CAMK1D: variants seen among roughly 807,000 people sequenced by gnomAD.
CAMK1D encodes the protein calcium/calmodulin-dependent protein kinase type 1D.
In CAMK1D, 9 loss-of-function variants were observed where a neutral mutation model predicts 47.7. The observed-to-expected ratio is 0.19, with a 90% CI of 0.11 to 0.33. The LOEUF is 0.33. CAMK1D is among the 10% of genes least tolerant of loss of function. The probability of loss-of-function intolerance (pLI) is 1.00; values close to 1 mark genes in which losing one functional copy is unlikely to be tolerated. For missense variants in CAMK1D, 291 were observed against 488.7 expected (o/e 0.60, Z 3.81); for synonymous variants, 184 against 184.9 (o/e 0.99, Z 0.04).
intron 5 of CAMK1D, among the ~76,000 whole-genome samples, chr10:12,786,716 G>A (rs1837740425): frequency 6.6e-6 from 1 of 152,174 alleles, no homozygotes; most frequent in Non-Finnish European, 1.5e-5. Context: ...GCCACTACAT[G>A]TAGCCCAGGA....
At chr10:12,768,550 A>G (rs564126395) in intron 4 of CAMK1D, among the ~76,000 whole-genome samples, 1 of 152,140 alleles carries the variant, frequency 6.6e-6, no homozygotes, top group Non-Finnish European at 1.5e-5. Flanking sequence ...GGTGTAAATG[A>G]CAGAAACGAT....
intron 1 of CAMK1D, among the ~76,000 whole-genome samples, chr10:12,464,617 C>T (rs995158262): frequency 1.3e-5 from 2 of 152,092 alleles, no homozygotes; most frequent in African/African-American, 4.8e-5. Context: ...AGATTGAGAC[C>T]ATCCTGACTA....
In CAMK1D at chr10:12,830,926, A is replaced by AGCACAC. The variant is rs1240346122; in HGVS notation, c.*2039_*2040insGCACAC. The AGCACAC allele has an allele frequency of 9.6e-6, 1 of 103,728 alleles. No homozygotes were observed. Among genetic ancestry groups the AGCACAC allele is most frequent in the African/African-American group, 3.8e-5 (1 of 26,452 alleles). 6.4% of individuals were successfully genotyped at this position (103,728 alleles called of 1,614,324 possible). On this transcript the variant is annotated 3_prime_UTR_variant, in exon 11 of 11. Transcript: ENST00000619168. ...GTGATGCCCCCCCACCCTCTCAATA[A>AGCACAC]ACACACACACACACACACACACACA...
chr10:12,623,796 G>C (rs114486052), intron 2 of CAMK1D, among the ~76,000 whole-genome samples: 2,368 of 152,056 alleles, frequency 0.016, 54 homozygotes, highest in African/African-American at 0.054. Context: ...TTGCAATTAA[G>C]GGCCGGGTGT....
Position 12,828,765 on chromosome 10 carries a change from G to C in CAMK1D, c.1040-4G>C. On this transcript the variant is annotated splice_region_variant and splice_polypyrimidine_tract_variant and intron_variant, in intron 10 of 10. Coordinates refer to ENST00000619168, the MANE Select transcript of CAMK1D (RefSeq NM_153498.4). ...CTGAAGCCCACTTCTGCTGTTCCCT[G>C]CAGGTCTGGCACCTTCCACGCTCTG... is the stretch of plus-strand genomic sequence containing the variant. 6.2e-7 allele frequency: 1 copy of C among 1,609,704 alleles called. No individual in the cohort carries two copies. The highest frequency in any genetic ancestry group is 1.7e-5 in the Admixed American group (1 of 59,916).
At chr10:12,611,388 T>C (rs1838615001) in intron 2 of CAMK1D, among the ~76,000 whole-genome samples, 1 of 152,076 alleles carries the variant, frequency 6.6e-6, no homozygotes, top group Non-Finnish European at 1.5e-5. Context: ...GCAGCTCCTC[T>C]ACCCTCGCCT....
chr10:12,792,270 A>G (rs1361848063), intron 6 of CAMK1D, among the ~76,000 whole-genome samples: 1 of 146,566 alleles, frequency 6.8e-6, no homozygotes, highest in Non-Finnish European at 1.5e-5. Flanking sequence ...TGTTGCAGTT[A>G]TTTCAGGATC....
rs531093107 is a variant in CAMK1D, at chr10:12,772,613, G to A, written c.565+2814G>A. Among the ~76,000 whole-genome samples, 8 of 152,344 alleles carry A rather than the reference G, an allele frequency of 5.3e-5. No individual in the cohort carries two copies. In the East Asian group the frequency reaches 1.4e-3, roughly 26 times the overall value. ...AGTGGCTGCCATCTGCGGGGTCTGA[G>A]TCTGTTGATTGCTGTGTCTGGCACT... On this transcript the variant is annotated intron_variant, in intron 5 of 10. Coordinates refer to ENST00000619168, the MANE Select transcript of CAMK1D (RefSeq NM_153498.4).
chr10:12,388,302 C>A (rs1838596277), intron 1 of CAMK1D, among the ~76,000 whole-genome samples: 1 of 152,202 alleles, frequency 6.6e-6, no homozygotes, highest in Non-Finnish European at 1.5e-5. Flanking sequence ...GCTGAGATTA[C>A]ACGTGTGAGC....
intron 1 of CAMK1D, among the ~76,000 whole-genome samples, chr10:12,422,407 G>C (rs1250662709): frequency 6.6e-6 from 1 of 152,202 alleles, no homozygotes; most frequent in African/African-American, 2.4e-5. Context: ...GATCAGAAAT[G>C]AACTCACTAG....
intron 6 of CAMK1D, among the ~76,000 whole-genome samples, chr10:12,793,404 A>G (rs1442979704): frequency 1.3e-5 from 2 of 152,204 alleles, no homozygotes; most frequent in African/African-American, 2.4e-5. Context: ...AGCTCTGGTT[A>G]GGTACTTGTT....
intron 3 of CAMK1D, among the ~76,000 whole-genome samples, chr10:12,670,085 T>C (rs1840563301): frequency 6.6e-6 from 1 of 150,934 alleles, no homozygotes; most frequent in African/African-American, 2.4e-5. Flanking sequence ...AACTTTTTAA[T>C]AAACCGTCTG....
chr10:12,465,106 T>C (rs1833552632), intron 1 of CAMK1D, among the ~76,000 whole-genome samples: 1 of 152,196 alleles, frequency 6.6e-6, no homozygotes, highest in African/African-American at 2.4e-5. Flanking sequence ...ATTTCAGTTA[T>C]GTGCAGAGGT....
At chr10:12,476,864 G>T (rs759427591) in intron 1 of CAMK1D, among the ~76,000 whole-genome samples, 1 of 152,154 alleles carries the variant, frequency 6.6e-6, no homozygotes, top group African/African-American at 2.4e-5. Context: ...CCAGCTCTCC[G>T]TTCTGTCTGC....
intron 3 of CAMK1D, among the ~76,000 whole-genome samples, chr10:12,723,352 A>C (rs1384662691): frequency 1.3e-5 from 2 of 152,200 alleles, no homozygotes; most frequent in African/African-American, 4.8e-5. Context: ...AAGGTTAGAA[A>C]GCTTCCCTGA....
At chr10:12,414,485 T>C (rs916701070) in intron 1 of CAMK1D, among the ~76,000 whole-genome samples, 1 of 152,244 alleles carries the variant, frequency 6.6e-6, no homozygotes, top group Non-Finnish European at 1.5e-5. Context: ...TGCCATGTTA[T>C]CTGTCGTGTC....
chr10:12,742,164 C>A (rs183593373), intron 3 of CAMK1D, among the ~76,000 whole-genome samples: 8 of 152,340 alleles, frequency 5.3e-5, no homozygotes, highest in Non-Finnish European at 1.0e-4. Context: ...TAGACAGGGT[C>A]TCGCTCTGTT....
chr10:12,374,812 G>A (rs1236638136), intron 1 of CAMK1D, among the ~76,000 whole-genome samples: 2 of 151,830 alleles, frequency 1.3e-5, no homozygotes, highest in African/African-American at 4.8e-5. Flanking sequence ...GTGTGGTGGT[G>A]GGCGCTTGTA....
intron 6 of CAMK1D, among the ~76,000 whole-genome samples, chr10:12,809,842 G>A (rs767253031): frequency 6.6e-6 from 1 of 152,124 alleles, no homozygotes; most frequent in Admixed American, 6.6e-5. Flanking sequence ...CAACAGTACT[G>A]TAGTGTACAC....
Sources: allele counts gnomAD v4.1 joint callset (sites outside exome capture counted in the v4.1 genomes callset), GRCh38; gene constraint gnomAD v4.1.1; transcripts MANE v1.5; gene names NCBI Gene and HGNC (gene_info 2026-07-23, HGNC 2026-07-21).